The following TOP1MT variants were observed in gnomAD, a reference collection of about 807,000 sequenced individuals.
TOP1MT encodes the protein DNA topoisomerase I, mitochondrial.
TOP1MT carries 80 observed loss-of-function variants against 73.9 expected under a neutral mutation model. The observed-to-expected ratio is 1.08, with a 90% confidence interval of 0.90 to 1.30. The LOEUF is 1.30. Among genes scored for constraint, TOP1MT ranks in the 50% most tolerant of loss-of-function variants. TOP1MT has a pLI of 0.00. For missense variants in TOP1MT, 815 were observed against 808.0 expected (o/e 1.01, Z -0.10); for synonymous variants, 338 against 326.4 (o/e 1.04, Z -0.38).
At chr8:143,345,969 C>T (rs1438589179), upstream of TOP1MT, among the ~76,000 whole-genome samples, 1 of 152,160 alleles carries the variant, frequency 6.6e-6, no homozygotes, top group African/African-American at 2.4e-5. Flanking sequence ...GGGTGATGGT[C>T]GAGTGTGTGT....
chr8:143,311,117 ATT>A (rs769172231), intron 12 of TOP1MT, among the ~76,000 whole-genome samples: 4,077 of 106,944 alleles, frequency 0.038, 103 homozygotes, highest in African/African-American at 0.12. Context: ...CACGCACATG[ATT>A]TTTTTTTTTT....
intron 7 of TOP1MT, among the ~76,000 whole-genome samples, chr8:143,322,465 AGGCACGC>A (rs150125301): frequency 1.0e-5 from 1 of 96,464 alleles, no homozygotes; most frequent in African/African-American, 4.6e-5. Context: ...CATGCCACAC[AGGCACGC>A]CACACAGGCA....
intron 1 of TOP1MT, among the ~76,000 whole-genome samples, chr8:143,354,932 G>A (rs919221514): frequency 7.9e-5 from 12 of 152,094 alleles, no homozygotes; most frequent in East Asian, 1.9e-4. Context: ...GGAAAGTGAC[G>A]GACAGAAAAC....
intron 2 of TOP1MT, among the ~76,000 whole-genome samples, chr8:143,342,594 G>A (rs1275300838): frequency 1.3e-4 from 13 of 99,148 alleles, no homozygotes; most frequent in Non-Finnish European, 2.1e-4. Flanking sequence ...TATTATTAGA[G>A]ACAGAGTCTC....
rs143449323 is a variant in TOP1MT at position 143,331,272 on chromosome 8, C to A, written c.190G>T (p.Ala64Ser). The A allele has an allele frequency of 2.5e-6, 4 of 1,612,088 alleles. No individual in the cohort carries two copies. In the East Asian group the frequency reaches 8.9e-5, roughly 36 times the overall value. Residue 64 changes from alanine to serine, a missense_variant, in exon 2 of 14, where the codon GCA (alanine) becomes TCA (serine). Physicochemically the swap from Ala to Ser is moderately conservative, Grantham distance 99. Around this residue, in one of 3 missense-constraint regions of TOP1MT, gnomAD observed 751 missense variants for 725.4 expected, o/e 1.04. Coordinates refer to ENST00000329245, the MANE Select transcript of TOP1MT (RefSeq NM_052963.3). ...TCGGGAAGGGGCTCGTATGGGGGTG[C>A]GAAGTACGGGCCCTTGTGCTCCAGC... is the stretch of plus-strand genomic sequence containing the variant. The part of the protein sequence containing the change: ...RQLEHKGPYF[A>S]PPYEPLPDGV...
chr8:143,322,781 A>T (rs1816523268), intron 7 of TOP1MT, among the ~76,000 whole-genome samples: 1 of 38,166 alleles, frequency 2.6e-5, no homozygotes, highest in Non-Finnish European at 4.5e-5. Flanking sequence ...ACACACAGGC[A>T]CGCCACACAC....
At position 143,329,518 on chromosome 8, in the gene TOP1MT, C is replaced by T. The variant is rs189883829; in HGVS notation, c.239-47G>A. On this transcript the variant is annotated intron_variant, in intron 2 of 13. Transcript: ENST00000329245. The stretch of plus-strand genomic sequence containing the variant: ...TCGTATGAGAGAGCGGCCAGAGGCT[C>T]GGCCTCCAGCTGACATGACCTCATT... 2.9e-4 allele frequency: 458 copies of T among 1,584,974 alleles called. 1 individual carries two copies. In the African/African-American group the frequency reaches 3.7e-3, roughly 13 times the overall value.
At chr8:143,320,956 C>T (rs1586755611) in intron 8 of TOP1MT, among the ~76,000 whole-genome samples, 3 of 152,164 alleles carry the variant, frequency 2.0e-5, no homozygotes, top group Non-Finnish European at 2.9e-5. Flanking sequence ...GGGCAGGAGA[C>T]GAAGCTGGCG....
rs149489378 is a variant in TOP1MT, at chr8:143,331,173, G to A, written c.238+51C>T. On this transcript the variant is annotated intron_variant, in intron 2 of 13. Coordinates refer to ENST00000329245, the MANE Select transcript of TOP1MT (RefSeq NM_052963.3). ...AGCCAGATGCCCACTGGGAGCCCAC[G>A]CCCAGGGAACCAAGCGCAGGCTGGG... 7.9e-3 allele frequency: 11,568 copies of A among 1,457,426 alleles called. 54 individuals carry two copies. Among genetic ancestry groups the A allele is most frequent in the Non-Finnish European group, 9.2e-3 (9,766 of 1,057,820 alleles). The allele number at this position is 1,457,426 out of a possible 1,614,324, so 90.3% of individuals were successfully genotyped here.
Position 143,324,593 on chromosome 8 carries a change from CT to C in TOP1MT, c.707del (p.Gln236ArgfsTer30). On this transcript the variant is annotated frameshift_variant, in exon 6 of 14. Transcript: ENST00000329245. LOFTEE classifies it high-confidence loss of function. ...TGTTATCGGAGCGCACCTCCTTCCA[CT>C]GGTGCCCCGCCGGCGGCTCGGGGAT... The part of the protein sequence containing the change: ...SKIPEPPAGH[Q>X]WKEVRSDNTV... 2 of 1,613,640 alleles carry C rather than the reference CT, an allele frequency of 1.2e-6. No individual in the cohort carries two copies. Among genetic ancestry groups the C allele is most frequent in the Non-Finnish European group, 1.7e-6 (2 of 1,179,966 alleles).
intron 12 of TOP1MT, among the ~76,000 whole-genome samples, chr8:143,314,746 A>C (rs1816106156): frequency 1.3e-5 from 2 of 152,114 alleles, no homozygotes; most frequent in South Asian, 4.1e-4. Flanking sequence ...TTCCAGTATA[A>C]TAAAATACAT....
Position 143,324,096 on chromosome 8 carries a change from C to A in TOP1MT, c.863G>T (p.Gly288Val), listed in dbSNP as rs759071083. Reference protein sequence around the residue: ...QKFETARRLRGFVDEIRSQYR... With the variant: ...QKFETARRLRVFVDEIRSQYR... ...CTGGGAGCGGATCTCGTCCACAAAT[C>A]CCCGCAGGCGTCGAGCTGTTTCAAA... The change falls in exon 7 of 14, where the codon GGA becomes GTA. Residue 288 changes from glycine (G) to valine (V), a missense_variant. Physicochemically the swap from Gly to Val is moderately radical, Grantham distance 109 (BLOSUM62 -3). This residue lies in a region of TOP1MT where 751 missense variants were observed against 725.4 expected (regional missense o/e 1.04). Coordinates refer to ENST00000329245, the MANE Select transcript of TOP1MT (RefSeq NM_052963.3). 13 of 1,613,778 alleles carry A rather than the reference C, an allele frequency of 8.1e-6. No homozygotes were observed. In the Admixed American group the frequency reaches 2.2e-4, roughly 27 times the overall value.
At chr8:143,317,229 C>T (rs1029644478) in intron 10 of TOP1MT, among the ~76,000 whole-genome samples, 1 of 152,186 alleles carries the variant, frequency 6.6e-6, no homozygotes, top group Admixed American at 6.5e-5. Context: ...GCGCCAGGGA[C>T]AGAGGGAGGA....
chr8:143,327,589 T>C (rs1816742271), intron 3 of TOP1MT: 4 of 196,508 alleles, frequency 2.0e-5, no homozygotes. Flanking sequence ...CGTCCCTGTG[T>C]CTCCCGGGGC....
At chr8:143,333,427 T>A (rs1474855780) in intron 1 of TOP1MT, among the ~76,000 whole-genome samples, 2 of 152,096 alleles carry the variant, frequency 1.3e-5, no homozygotes, top group Non-Finnish European at 2.9e-5. Flanking sequence ...CCAGCCTGGG[T>A]GACAGGGCAA....
upstream of TOP1MT, among the ~76,000 whole-genome samples, chr8:143,359,607 C>T (rs375548668): frequency 6.8e-6 from 1 of 147,674 alleles, no homozygotes; most frequent in African/African-American, 2.5e-5. Context: ...AACAAGGGGG[C>T]CTGGAGGGGG....
intron 2 of TOP1MT, 140 bp from the exon 3 acceptor site, chr8:143,329,611 G>A: frequency 9.7e-7 from 1 of 1,035,940 alleles, no homozygotes; most frequent in Non-Finnish European, 1.4e-6. Flanking sequence ...TGTAAGTTCA[G>A]AAGCATGTTC....
upstream of TOP1MT, among the ~76,000 whole-genome samples, chr8:143,338,330 G>A (rs1817017654): frequency 6.6e-6 from 1 of 152,080 alleles, no homozygotes; most frequent in Non-Finnish European, 1.5e-5. Context: ...CACTTTGGGA[G>A]GCCAAGGCGG....
chr8:143,315,581 CTCTT>C (rs1201282037), intron 12 of TOP1MT, 142 bp downstream of exon 12: 9 of 640,756 alleles, frequency 1.4e-5, no homozygotes, highest in East Asian at 1.4e-4. Context: ...TTTCTTTTAT[CTCTT>C]TGTCTTGTGT....
Sources: allele counts gnomAD v4.1 joint callset (sites outside exome capture counted in the v4.1 genomes callset), GRCh38; gene constraint gnomAD v4.1.1; regional missense constraint gnomAD v4.1.1; transcripts MANE v1.5; gene names NCBI Gene and HGNC (gene_info 2026-07-23, HGNC 2026-07-21).